Variants in IL1RAPL2 observed in about 807,000 individuals in gnomAD.
IL1RAPL2 encodes the protein interleukin 1 receptor accessory protein like 2.
IL1RAPL2 carries 3 observed loss-of-function variants against 44.1 expected under a neutral mutation model. The ratio of observed to expected loss-of-function variants is 0.07; its 90% CI spans 0.03 to 0.18. The LOEUF is 0.18. IL1RAPL2 is among the 10% of genes least tolerant of loss of function. IL1RAPL2 has a pLI of 1.00. For synonymous variants in IL1RAPL2, 181 were observed against 178.8 expected, an observed-to-expected ratio of 1.01 and a Z score of -0.10; for missense variants, 391 against 496.4, an observed-to-expected ratio of 0.79 and a Z score of 2.02.
At chrX:105,710,939 A>AATAT (rs758666446) in intron 6 of IL1RAPL2, among the ~76,000 whole-genome samples, 1 of 105,371 alleles carries the variant, frequency 9.5e-6, no homozygotes, top group African/African-American at 3.4e-5. Context: ...TATACATATA[A>AATAT]ATATATATAT....
chrX:105,641,605 T>C (rs2037570103), intron 6 of IL1RAPL2, among the ~76,000 whole-genome samples: 1 of 111,716 alleles, frequency 9.0e-6, no homozygotes, highest in African/African-American at 3.3e-5. Context: ...TGAATTATTA[T>C]TTAAAAGAAA....
At chrX:105,355,620 T>C (rs1322593928) in intron 5 of IL1RAPL2, among the ~76,000 whole-genome samples, 1 of 111,728 alleles carries the variant, frequency 9.0e-6, no homozygotes, top group Non-Finnish European at 1.9e-5. Context: ...GCATTCAAAC[T>C]GTCAGCTCTG....
chrX:105,003,941 C>T (rs1458028162), intron 2 of IL1RAPL2, among the ~76,000 whole-genome samples: 1 of 111,283 alleles, frequency 9.0e-6, no homozygotes, highest in Admixed American at 9.6e-5. Flanking sequence ...AATATTATTT[C>T]ATCTAATCTA....
intron 3 of IL1RAPL2, chrX:105,219,270 A>G (rs2033910573): frequency 5.8e-6 from 7 of 1,208,826 alleles, no homozygotes; most frequent in Non-Finnish European, 7.8e-6. Context: ...AGAAGGAGGA[A>G]AAAGGGCTTG....
At chrX:104,693,600 C>T (rs950508861) in intron 2 of IL1RAPL2, among the ~76,000 whole-genome samples, 3 of 111,978 alleles carry the variant, frequency 2.7e-5, no homozygotes, top group African/African-American at 9.7e-5. Context: ...TGGACTAAAG[C>T]ACACAGATGT....
rs1320126217 is a variant in IL1RAPL2, at chrX:105,602,057, G to A, written c.773-115310G>A. 3.6e-5 allele frequency among the ~76,000 whole-genome samples: 4 copies of A among 111,887 alleles called. No individual in the cohort carries two copies. The East Asian group carries it at 1.1e-3, about 32-fold the overall frequency. ...CCCCTCCTCCAGCCGCAGAGCTGCT[G>A]TGTGCCACATGAGCTCCCTAGTGAC... On this transcript the variant is annotated intron_variant, in intron 6 of 10. Transcript: ENST00000372582.
At chrX:104,592,155 G>GTA (rs1928681257) in intron 1 of IL1RAPL2, among the ~76,000 whole-genome samples, 1 of 98,747 alleles carries the variant, frequency 1.0e-5, no homozygotes, top group Non-Finnish European at 2.1e-5. Flanking sequence ...ATGTGTGTGT[G>GTA]TGTGTGTGTG....
intron 6 of IL1RAPL2, among the ~76,000 whole-genome samples, chrX:105,690,244 A>G (rs1052540985): frequency 1.8e-5 from 2 of 111,762 alleles, no homozygotes; most frequent in African/African-American, 6.5e-5. Context: ...ATAAAAATAA[A>G]AAAATTTAAA....
At chrX:104,907,514 G>A (rs1427295757) in intron 2 of IL1RAPL2, among the ~76,000 whole-genome samples, 8 of 111,350 alleles carry the variant, frequency 7.2e-5, no homozygotes, top group Admixed American at 1.9e-4. Context: ...CTTTGTTCTC[G>A]TTGGTTTCAA....
chrX:105,717,887 G>A (rs2038270665), intron 7 of IL1RAPL2, among the ~76,000 whole-genome samples: 1 of 112,006 alleles, frequency 8.9e-6, no homozygotes, highest in Non-Finnish European at 1.9e-5. Flanking sequence ...CAGTGGCAAT[G>A]GTAAGCTGGT....
At chrX:105,405,405 A>G (rs1348612720) in intron 5 of IL1RAPL2, among the ~76,000 whole-genome samples, 2 of 112,259 alleles carry the variant, frequency 1.8e-5, no homozygotes, top group African/African-American at 6.5e-5. Context: ...AATTGTATGA[A>G]AATTTAATAA....
At chrX:104,702,320 C>G (rs745322398) in intron 2 of IL1RAPL2, among the ~76,000 whole-genome samples, 11 of 111,503 alleles carry the variant, frequency 9.9e-5, no homozygotes, top group Admixed American at 6.7e-4. Context: ...GACTGACTGC[C>G]CTTAAAGAAT....
At chrX:105,099,182 A>AT (rs1393063997) in intron 2 of IL1RAPL2, among the ~76,000 whole-genome samples, 4 of 112,088 alleles carry the variant, frequency 3.6e-5, no homozygotes, top group East Asian at 2.8e-4. Flanking sequence ...ATTAAGTACA[A>AT]TTTTTTGTAG....
Position 104,658,943 on chromosome X carries a change from G to C in IL1RAPL2, c.30G>C (p.Val10=). The stretch of plus-strand genomic sequence containing the variant: ...AGCCACCATTTCTTTTGGCCCTTGT[G>C]GTCTGTTCTGTAGTCAGCACAAATC... The part of the protein sequence containing the change: MKPPFLLAL[V]VCSVVSTNLK... The change falls in exon 2 of 11, where the codon GTG becomes GTC. Residue 10 remains valine (V), a synonymous_variant. Transcript: ENST00000372582. 8.3e-7 allele frequency: 1 copy of C among 1,207,278 alleles called. No homozygotes were observed. The highest frequency in any genetic ancestry group is 1.1e-6 in the Non-Finnish European group (1 of 893,058).
At chrX:104,836,789 G>T (rs1328586499) in intron 2 of IL1RAPL2, among the ~76,000 whole-genome samples, 13 of 110,734 alleles carry the variant, frequency 1.2e-4, no homozygotes, top group African/African-American at 3.3e-4. Flanking sequence ...TGCTACATAG[G>T]TATACGTGTT....
At chrX:105,206,146 T>C (rs1372064662) in intron 3 of IL1RAPL2, among the ~76,000 whole-genome samples, 2 of 111,419 alleles carry the variant, frequency 1.8e-5, no homozygotes, top group Non-Finnish European at 3.8e-5. Context: ...ACAAAGATCA[T>C]AGTACCTACC....
chrX:104,888,852 C>T (rs1420076714), intron 2 of IL1RAPL2, among the ~76,000 whole-genome samples: 1 of 111,918 alleles, frequency 8.9e-6, no homozygotes, highest in Non-Finnish European at 1.9e-5. Context: ...AATACCCTAA[C>T]AGGACATGCA....
At chrX:105,400,597 A>G (rs889083563) in intron 5 of IL1RAPL2, among the ~76,000 whole-genome samples, 1 of 111,620 alleles carries the variant, frequency 9.0e-6, no homozygotes, top group Non-Finnish European at 1.9e-5. Flanking sequence ...ATTAAGGGAA[A>G]TACTTTGATC....
At chrX:104,738,207 C>A (rs1028392765) in intron 2 of IL1RAPL2, among the ~76,000 whole-genome samples, 2 of 111,875 alleles carry the variant, frequency 1.8e-5, no homozygotes, top group African/African-American at 6.5e-5. Flanking sequence ...TTGTCCAAAC[C>A]AGGATACTTT....
Sources: allele counts gnomAD v4.1 joint callset (sites outside exome capture counted in the v4.1 genomes callset), GRCh38; gene constraint gnomAD v4.1.1; transcripts MANE v1.5; gene names NCBI Gene and HGNC (gene_info 2026-07-23, HGNC 2026-07-21).